The following MB21D2 variants were observed in gnomAD, a reference collection of about 807,000 sequenced individuals.
The protein encoded by MB21D2 is Mab-21 domain containing 2.
A neutral mutation model predicts 33.3 loss-of-function variants in MB21D2; 9 were observed. The ratio of observed to expected loss-of-function variants is 0.27; its 90% CI spans 0.16 to 0.47. The LOEUF (loss-of-function observed/expected upper bound fraction) is 0.47. Among genes scored for constraint, MB21D2 ranks in the 20% least tolerant of loss-of-function variants. The pLI, the probability that MB21D2 is intolerant of heterozygous loss-of-function variation, is 0.99. For missense variants in MB21D2, 540 were observed against 624.6 expected (o/e 0.86, Z 1.44); for synonymous variants, 241 against 236.3 (o/e 1.02, Z -0.18).
At chr3:192,851,645 C>T (rs1002407923) in intron 1 of MB21D2, among the ~76,000 whole-genome samples, 3 of 144,172 alleles carry the variant, frequency 2.1e-5, no homozygotes, top group Non-Finnish European at 3.0e-5. Context: ...AGGGCATGCA[C>T]CGCCATATCC....
intron 1 of MB21D2, among the ~76,000 whole-genome samples, chr3:192,881,152 G>A (rs548935011): frequency 1.3e-5 from 2 of 152,136 alleles, no homozygotes; most frequent in South Asian, 4.1e-4. Flanking sequence ...TTTTTTGGTA[G>A]CAAGTTATCT....
chr3:192,810,542 G>C (rs75642856), intron 1 of MB21D2, among the ~76,000 whole-genome samples: 1 of 152,140 alleles, frequency 6.6e-6, no homozygotes, highest in Non-Finnish European at 1.5e-5. Flanking sequence ...TACTTTAGAC[G>C]AGTTTACTAA....
intron 1 of MB21D2, among the ~76,000 whole-genome samples, chr3:192,855,028 C>T (rs550044508): frequency 6.6e-6 from 1 of 152,342 alleles, no homozygotes; most frequent in Admixed American, 6.5e-5. Context: ...ATCTATTCTG[C>T]AACTCATGTA....
chr3:192,847,725 T>C (rs769898894), intron 1 of MB21D2, among the ~76,000 whole-genome samples: 2 of 152,202 alleles, frequency 1.3e-5, no homozygotes, highest in Non-Finnish European at 2.9e-5. Context: ...ACAACTTACT[T>C]TATTAACTGG....
intron 1 of MB21D2, among the ~76,000 whole-genome samples, chr3:192,869,266 A>G (rs1349123472): frequency 1.6e-3 from 187 of 116,942 alleles, no homozygotes; most frequent in African/African-American, 6.9e-3. Flanking sequence ...AAAAAAAAAG[A>G]AAGGAAGGAA....
intron 1 of MB21D2, among the ~76,000 whole-genome samples, chr3:192,890,586 GAAA>G (rs796870011): frequency 8.8e-5 from 11 of 125,240 alleles, no homozygotes; most frequent in African/African-American, 3.1e-4. Context: ...AATGATTACA[GAAA>G]AAAAAAAAAA....
chr3:192,917,518 G>A, intron 1 of MB21D2, 112 bp downstream of exon 1: 3 of 1,107,882 alleles, frequency 2.7e-6, no homozygotes, highest in Non-Finnish European at 2.6e-6. Flanking sequence ...CAAGGCACCG[G>A]CTCGGGAAGG....
chr3:192,840,757 G>A (rs1008107178), intron 1 of MB21D2, among the ~76,000 whole-genome samples: 1 of 152,190 alleles, frequency 6.6e-6, no homozygotes, highest in Admixed American at 6.5e-5. Context: ...ATAGGCAACT[G>A]CTGAACAGAT....
At chr3:192,857,950 C>T (rs1026072886) in intron 1 of MB21D2, among the ~76,000 whole-genome samples, 5 of 152,012 alleles carry the variant, frequency 3.3e-5, no homozygotes, top group Admixed American at 3.3e-4. Flanking sequence ...CATGGAGAAA[C>T]CCTATCTCTA....
Position 192,799,528 on chromosome 3 carries a change from T to C in MB21D2, c.334A>G (p.Thr112Ala). Residue 112 changes from threonine (T) to alanine (A), a missense_variant, in exon 2 of 2, where the codon ACT becomes GCT. By Grantham distance (58) the Thr-to-Ala change is moderately conservative. Coordinates refer to ENST00000392452, the MANE Select transcript of MB21D2 (RefSeq NM_178496.4). The surrounding 1 kb of genome is among the most constrained non-coding windows in gnomAD (Gnocchi z 4.1). ...AGGGTAAAGTCCATATCATAGTCAG[T>C]ACCCCGGGCATAGACATTAAGCTCA... ...LDELNVYARGTDYDMDFTLLV... is the reference protein window; with the variant it reads ...LDELNVYARGADYDMDFTLLV... 6.2e-7 allele frequency: 1 copy of C among 1,614,176 alleles called. No individual in the cohort carries two copies. The highest frequency in any genetic ancestry group is 2.2e-5 in the East Asian group (1 of 44,880).
intron 1 of MB21D2, among the ~76,000 whole-genome samples, chr3:192,821,405 C>G (rs1712052523): frequency 6.6e-6 from 1 of 152,146 alleles, no homozygotes; most frequent in Non-Finnish European, 1.5e-5. Context: ...ATTCCTCAAC[C>G]TCATCTCACA....
intron 1 of MB21D2, among the ~76,000 whole-genome samples, chr3:192,873,748 G>A (rs369041479): frequency 3.3e-5 from 5 of 152,060 alleles, no homozygotes; most frequent in East Asian, 1.9e-4. Flanking sequence ...CTGTCAACAG[G>A]CTGGAGTACA....
chr3:192,896,125 A>C (rs1027508642), intron 1 of MB21D2, among the ~76,000 whole-genome samples: 2 of 152,224 alleles, frequency 1.3e-5, no homozygotes, highest in Non-Finnish European at 2.9e-5. Context: ...AACCCTATGA[A>C]GTTGGCATTC....
At chr3:192,838,011 C>G (rs1016159061) in intron 1 of MB21D2, among the ~76,000 whole-genome samples, 6 of 152,196 alleles carry the variant, frequency 3.9e-5, no homozygotes, top group African/African-American at 1.2e-4. Flanking sequence ...AGTTGAGAAA[C>G]GAGGAGCAGC....
chr3:192,865,226 T>C (rs998268883), intron 1 of MB21D2, among the ~76,000 whole-genome samples: 34 of 152,328 alleles, frequency 2.2e-4, no homozygotes, highest in African/African-American at 7.7e-4. Flanking sequence ...CATGTGTCCC[T>C]GAGCTTTATT....
chr3:192,868,626 A>G (rs1340480218), intron 1 of MB21D2, among the ~76,000 whole-genome samples: 2 of 152,170 alleles, frequency 1.3e-5, no homozygotes, highest in East Asian at 1.9e-4. Flanking sequence ...TGGCAAAATA[A>G]GGAATCATCT....
At chr3:192,845,505 C>T (rs890927886) in intron 1 of MB21D2, among the ~76,000 whole-genome samples, 18 of 152,326 alleles carry the variant, frequency 1.2e-4, no homozygotes, top group African/African-American at 4.1e-4. Flanking sequence ...ATTTTAAATT[C>T]CCATCACAAG....
At chr3:192,915,277 C>G (rs915612665) in intron 1 of MB21D2, among the ~76,000 whole-genome samples, 3 of 152,082 alleles carry the variant, frequency 2.0e-5, no homozygotes, top group Non-Finnish European at 4.4e-5. Context: ...CATCAAAGAA[C>G]CAAAGCTATG....
At chr3:192,819,035 T>C (rs1711986762) in intron 1 of MB21D2, among the ~76,000 whole-genome samples, 1 of 152,110 alleles carries the variant, frequency 6.6e-6, no homozygotes, top group South Asian at 2.1e-4. Flanking sequence ...GAAATGCTCT[T>C]GGGCAAGACA....
Sources: allele counts gnomAD v4.1 joint callset (sites outside exome capture counted in the v4.1 genomes callset), GRCh38; gene constraint gnomAD v4.1.1; non-coding constraint Gnocchi (gnomAD v3.1); transcripts MANE v1.5; gene names NCBI Gene and HGNC (gene_info 2026-07-23, HGNC 2026-07-21).